Variants in TTC3 observed in about 807,000 individuals in gnomAD.
TTC3 encodes the protein tetratricopeptide repeat domain 3.
Under a neutral mutation model 249.6 loss-of-function variants are expected in TTC3, and 180 were observed. The observed-to-expected ratio is 0.72, with a 90% CI of 0.64 to 0.82. The LOEUF (loss-of-function observed/expected upper bound fraction) is 0.82. TTC3 is among the 40% of genes least tolerant of loss of function. The pLI is 0.00. For synonymous variants in TTC3, 717 were observed against 805.0 expected (o/e 0.89, Z 1.85); for missense variants, 2,061 against 2,398.4 (o/e 0.86, Z 2.94).
At chr21:37,134,648 C>A (rs1262130112) in intron 17 of TTC3, among the ~76,000 whole-genome samples, 1 of 152,146 alleles carries the variant, frequency 6.6e-6, no homozygotes, top group Non-Finnish European at 1.5e-5. Context: ...GGCTTAATGT[C>A]TAGCCTTGCC....
intron 10 of TTC3, chr21:37,101,281 T>C (rs1042645237): frequency 1.3e-5 from 2 of 152,208 alleles, no homozygotes; most frequent in African/African-American, 4.8e-5. Context: ...GTTGCTTTTT[T>C]TCCCCCCTAA....
At chr21:37,190,966 CTT>C (rs1215841989) in intron 39 of TTC3, among the ~76,000 whole-genome samples, 1 of 152,120 alleles carries the variant, frequency 6.6e-6, no homozygotes, top group East Asian at 1.9e-4. Context: ...TGATTGGAAT[CTT>C]TTGAATGTTT....
At chr21:37,154,237 A>T (rs2079772031) in intron 27 of TTC3, among the ~76,000 whole-genome samples, 1 of 152,214 alleles carries the variant, frequency 6.6e-6, no homozygotes, top group South Asian at 2.1e-4. Flanking sequence ...CTTTAGCCGC[A>T]GACCACAGAG....
chr21:37,134,464 G>A (rs2077748571), intron 17 of TTC3, among the ~76,000 whole-genome samples: 1 of 151,600 alleles, frequency 6.6e-6, no homozygotes, highest in African/African-American at 2.4e-5. Flanking sequence ...AAAAAAGCCA[G>A]CAGAAGGCTT....
intron 1 of TTC3, among the ~76,000 whole-genome samples, chr21:37,084,490 A>C (rs963447871): frequency 6.6e-6 from 1 of 152,204 alleles, no homozygotes; most frequent in African/African-American, 2.4e-5. Context: ...TACTCTTCTA[A>C]GCTCTTTACA....
At chr21:37,123,923 A>G (rs991677020) in intron 13 of TTC3, among the ~76,000 whole-genome samples, 1 of 150,882 alleles carries the variant, frequency 6.6e-6, no homozygotes, top group African/African-American at 2.4e-5. Flanking sequence ...TAATTTTTGA[A>G]TTTTTGGTAG....
At chr21:37,146,895 A>G (rs1038919000) in intron 21 of TTC3, among the ~76,000 whole-genome samples, 2 of 152,150 alleles carry the variant, frequency 1.3e-5, no homozygotes, top group Non-Finnish European at 2.9e-5. Context: ...GGATTCTTGG[A>G]TTTACCTCTC....
At chr21:37,110,071 CA>C in intron 11 of TTC3, among the ~76,000 whole-genome samples, 1 of 152,170 alleles carries the variant, frequency 6.6e-6, no homozygotes, top group East Asian at 1.9e-4. Flanking sequence ...TCACCATCAT[CA>C]AAGACCAAAG....
chr21:37,180,873 A>G (rs532826498), intron 35 of TTC3, among the ~76,000 whole-genome samples: 47 of 152,162 alleles, frequency 3.1e-4, no homozygotes, highest in African/African-American at 1.1e-3. Context: ...ATTTATGTAT[A>G]TATTATCAAA....
chr21:37,178,159 C>T (rs987759779), intron 35 of TTC3, among the ~76,000 whole-genome samples: 1 of 152,162 alleles, frequency 6.6e-6, no homozygotes, highest in African/African-American at 2.4e-5. Flanking sequence ...GTGTGTCATT[C>T]CTTTTTACTG....
intron 11 of TTC3, among the ~76,000 whole-genome samples, chr21:37,109,381 A>G (rs533976882): frequency 2.0e-5 from 3 of 152,192 alleles, no homozygotes; most frequent in East Asian, 1.9e-4. Context: ...CGCTTTTCCA[A>G]TGGGCTTATC....
chr21:37,152,573 A>G (rs537151240), intron 26 of TTC3, among the ~76,000 whole-genome samples: 20 of 151,988 alleles, frequency 1.3e-4, no homozygotes, highest in African/African-American at 3.9e-4. Flanking sequence ...TTTTTAGTAG[A>G]GATGGGGTTT....
chr21:37,108,744 C>G lies in TTC3; in HGVS notation c.900+298C>G, dbSNP rs144154865. On this transcript the variant is annotated intron_variant, in intron 11 of 45. Transcript: ENST00000355666. ...CCTGAATGTGAAAAATGACTTAAAA[C>G]TGGGGAGGAAGTATAGGAGGCTGTC... is the stretch of plus-strand genomic sequence containing the variant. 4.6e-5 allele frequency among the ~76,000 whole-genome samples: 7 copies of G among 152,172 alleles called. No homozygotes were observed. The East Asian group carries it at 1.4e-3, about 29-fold the overall frequency.
chr21:37,124,109 G>GTTTTTTTT (rs1167142816), intron 13 of TTC3, among the ~76,000 whole-genome samples: 2 of 26,156 alleles, frequency 7.6e-5, no homozygotes, highest in Non-Finnish European at 1.5e-4. Flanking sequence ...TTTTTGAACT[G>GTTTTTTTT]TTCTTTTTTT....
intron 1 of TTC3, chr21:37,083,973 A>G (rs776939634): frequency 2.0e-5 from 3 of 152,244 alleles, no homozygotes; most frequent in Non-Finnish European, 4.4e-5. Flanking sequence ...TAACTTGCAC[A>G]TCTAACCTTT....
chr21:37,087,418 A>T lies in TTC3; in HGVS notation c.144+17A>T. On this transcript the variant is annotated intron_variant, in intron 2 of 45. Transcript: ENST00000355666. ...GATGGGGTGGTAAGTAGGTTTGCTA[A>T]TTTTTCATTTTTGACATTGTGTATT... 1 of 1,612,216 alleles carries T rather than the reference A, an allele frequency of 6.2e-7. No individual in the cohort carries two copies. The highest frequency in any genetic ancestry group is 8.5e-7 in the Non-Finnish European group (1 of 1,179,146).
chr21:37,104,588 C>CAAAAATAAAAAAAAAAA (rs2074875527), intron 10 of TTC3, among the ~76,000 whole-genome samples: 1 of 104,334 alleles, frequency 9.6e-6, no homozygotes, highest in African/African-American at 3.7e-5. Flanking sequence ...AACTCCGTCT[C>CAAAAATAAAAAAAAAAA]AAAAAAAAAA....
chr21:37,116,671 T>C (rs1386337080), intron 11 of TTC3, among the ~76,000 whole-genome samples: 1 of 151,860 alleles, frequency 6.6e-6, no homozygotes, highest in Non-Finnish European at 1.5e-5. Context: ...AATTACTGGA[T>C]GTTGTGGTGC....
Position 37,123,004 on chromosome 21 carries a change from C to CA in TTC3, c.1087dup (p.Ile363AsnfsTer2). ...ATAGGTCGAACAGCAAATAAGGATC[C>CA]AATTAAAGCCTTTTATGAAAACAGG... On this transcript the variant is annotated frameshift_variant, in exon 13 of 46. Transcript: ENST00000355666. LOFTEE classifies it high-confidence loss of function. 1 of 1,613,924 alleles carries CA rather than the reference C, an allele frequency of 6.2e-7. No homozygotes were observed. Among genetic ancestry groups the CA allele is most frequent in the Non-Finnish European group, 8.5e-7 (1 of 1,179,950 alleles).
Sources: gnomAD v4.1 joint callset for allele counts (sites outside exome capture counted in the v4.1 genomes callset) on GRCh38, gnomAD v4.1.1 for gene constraint, MANE v1.5 for transcripts, NCBI Gene and HGNC (gene_info 2026-07-23, HGNC 2026-07-21) for gene names.